LRFN5: variants seen among roughly 807,000 people sequenced by gnomAD.
LRFN5 encodes leucine-rich repeat and fibronectin type-III domain-containing protein 5.
In LRFN5, 24 loss-of-function variants were observed where a neutral mutation model predicts 45.6. The observed-to-expected ratio is 0.53, with a 90% CI of 0.38 to 0.74. The LOEUF is 0.74. LRFN5 is among the 30% of genes least tolerant of loss of function. The pLI is 0.00. For synonymous variants in LRFN5, 340 were observed against 313.8 expected (o/e 1.08, Z -0.88); for missense variants, 776 against 861.5 (o/e 0.90, Z 1.24).
chr14:41,650,824 A>G (rs1215716207), intron 1 of LRFN5, among the ~76,000 whole-genome samples: 1 of 149,848 alleles, frequency 6.7e-6, no homozygotes, highest in East Asian at 2.0e-4. Context: ...CTCTTAAGTA[A>G]AAGTAGACAT....
At chr14:41,734,291 G>T (rs186223140) in intron 1 of LRFN5, among the ~76,000 whole-genome samples, 1,035 of 75,386 alleles carry the variant, frequency 0.014, 17 homozygotes, top group African/African-American at 0.038. Flanking sequence ...GATTACAGGC[G>T]TGAGCCACCT....
intron 1 of LRFN5, among the ~76,000 whole-genome samples, chr14:41,678,332 G>A (rs1034347166): frequency 1.1e-4 from 17 of 151,866 alleles, no homozygotes; most frequent in African/African-American, 4.1e-4. Context: ...TCAAATAATG[G>A]TTGAAAACCT....
chr14:41,699,440 G>T (rs1054490097), intron 1 of LRFN5: 1 of 152,080 alleles, frequency 6.6e-6, no homozygotes, highest in Non-Finnish European at 1.5e-5. Context: ...TTCAGTGAGA[G>T]ATAGAACAAC....
intron 1 of LRFN5, among the ~76,000 whole-genome samples, chr14:41,750,267 TTATATATA>T (rs60275061): frequency 0.011 from 1,561 of 144,376 alleles, 21 homozygotes; most frequent in African/African-American, 0.037. Context: ...GTAACTTTTC[TTATATATA>T]TATATATATA....
chr14:41,696,565 T>TGTTGATATCA, intron 1 of LRFN5, among the ~76,000 whole-genome samples: 1 of 41,386 alleles, frequency 2.4e-5, no homozygotes, highest in East Asian at 0.017. Context: ...TGTTGATATC[T>TGTTGATATCA]ATTCATTTGG....
chr14:41,824,493 A>C (rs560500527), intron 2 of LRFN5, among the ~76,000 whole-genome samples: 1 of 152,298 alleles, frequency 6.6e-6, no homozygotes, highest in African/African-American at 2.4e-5. Flanking sequence ...TGGTTGTATG[A>C]GCAGACTGAC....
chr14:41,781,912 T>C (rs1335710075), intron 2 of LRFN5, among the ~76,000 whole-genome samples: 4 of 152,092 alleles, frequency 2.6e-5, no homozygotes, highest in African/African-American at 9.7e-5. Flanking sequence ...CCAATGCAAT[T>C]CATATTCTTG....
intron 2 of LRFN5, among the ~76,000 whole-genome samples, chr14:41,823,794 C>G (rs1037005995): frequency 6.6e-6 from 1 of 152,138 alleles, no homozygotes; most frequent in Non-Finnish European, 1.5e-5. Flanking sequence ...CTTCTTCTCT[C>G]TCAGAAATAC....
intron 1 of LRFN5, among the ~76,000 whole-genome samples, chr14:41,720,896 T>C (rs755602905): frequency 7.2e-5 from 11 of 152,084 alleles, no homozygotes; most frequent in Non-Finnish European, 1.5e-4. Flanking sequence ...GTCTGTTAGA[T>C]ACAATTGGTC....
At chr14:41,779,978 C>T (rs1886424593) in intron 2 of LRFN5, among the ~76,000 whole-genome samples, 1 of 151,808 alleles carries the variant, frequency 6.6e-6, no homozygotes, top group African/African-American at 2.4e-5. Flanking sequence ...TTAATTTTCT[C>T]CTGCTTTCCT....
intron 1 of LRFN5, among the ~76,000 whole-genome samples, chr14:41,710,401 T>C (rs1208847776): frequency 1.3e-5 from 2 of 152,112 alleles, no homozygotes; most frequent in Non-Finnish European, 2.9e-5. Context: ...TTCTTAATCT[T>C]TTTTGAAATA....
chr14:41,803,363 T>C (rs1887405458), intron 2 of LRFN5, among the ~76,000 whole-genome samples: 1 of 152,020 alleles, frequency 6.6e-6, no homozygotes, highest in East Asian at 1.9e-4. Flanking sequence ...CTTTTTTTTT[T>C]CTTTTTGAGA....
At chr14:41,797,613 A>G (rs910162717) in intron 2 of LRFN5, among the ~76,000 whole-genome samples, 38 of 151,712 alleles carry the variant, frequency 2.5e-4, no homozygotes, top group African/African-American at 8.4e-4. Flanking sequence ...CAGCCAGACA[A>G]AAAGTTTTGG....
intron 1 of LRFN5, among the ~76,000 whole-genome samples, chr14:41,706,029 A>G (rs909093479): frequency 5.3e-5 from 8 of 152,194 alleles, no homozygotes; most frequent in African/African-American, 1.9e-4. Flanking sequence ...AACCATATGC[A>G]CATTGATATC....
intron 1 of LRFN5, among the ~76,000 whole-genome samples, chr14:41,618,430 T>C (rs1887995187): frequency 6.6e-6 from 1 of 152,220 alleles, no homozygotes; most frequent in Admixed American, 6.5e-5. Context: ...TTTCAAAAAA[T>C]GTTACCATTA....
chr14:41,808,373 G>GGAA (rs1439295429), intron 2 of LRFN5, among the ~76,000 whole-genome samples: 45 of 95,392 alleles, frequency 4.7e-4, no homozygotes, highest in African/African-American at 1.5e-3. Context: ...AAGGAAGGAA[G>GGAA]GGAAAGAAGG....
chr14:41,729,468 T>C (rs1209102456), intron 1 of LRFN5, among the ~76,000 whole-genome samples: 1 of 152,108 alleles, frequency 6.6e-6, no homozygotes, highest in African/African-American at 2.4e-5. Flanking sequence ...CTTTATAAAT[T>C]ATAAATTTCT....
At chr14:41,773,107 T>C (rs1209108753) in intron 2 of LRFN5, among the ~76,000 whole-genome samples, 1 of 152,196 alleles carries the variant, frequency 6.6e-6, no homozygotes, top group Non-Finnish European at 1.5e-5. Context: ...TTATTTAACA[T>C]GGCTTACAAT....
chr14:41,665,655 T>G (rs1594594614), intron 1 of LRFN5, among the ~76,000 whole-genome samples: 1 of 152,032 alleles, frequency 6.6e-6, no homozygotes, highest in African/African-American at 2.4e-5. Flanking sequence ...TGTCTCTTAC[T>G]GCTCTGACAT....
Sources: gnomAD v4.1 joint callset for allele counts (sites outside exome capture counted in the v4.1 genomes callset) on GRCh38, gnomAD v4.1.1 for gene constraint, MANE v1.5 for transcripts, NCBI Gene and HGNC (gene_info 2026-07-23, HGNC 2026-07-21) for gene names.